The following NCOR1 variants were observed in gnomAD, a reference collection of about 807,000 sequenced individuals.
The protein encoded by NCOR1 is protein phosphatase 1, regulatory subunit 109.
Under a neutral mutation model 288.1 loss-of-function variants are expected in NCOR1, and 63 were observed. The ratio of observed to expected loss-of-function variants is 0.22; its 90% CI spans 0.18 to 0.27. The LOEUF is 0.27. Among genes scored for constraint, NCOR1 ranks in the 10% least tolerant of loss-of-function variants. The probability of loss-of-function intolerance (pLI) is 1.00; values close to 1 mark genes in which losing one functional copy is unlikely to be tolerated. For missense variants in NCOR1, 2,397 were observed against 3,019.2 expected (o/e 0.79, Z 4.83); for synonymous variants, 1,007 against 1,065.9 (o/e 0.94, Z 1.08).
Position 16,121,165 on chromosome 17 carries a change from C to A in NCOR1, c.1739G>T (p.Arg580Leu). 2.5e-6 allele frequency: 4 copies of A among 1,614,112 alleles called. No individual in the cohort carries two copies. The highest frequency in any genetic ancestry group is 3.4e-6 in the Non-Finnish European group (4 of 1,180,028). Residue 580 changes from arginine to leucine, a missense_variant, in exon 16 of 46, where the codon CGC becomes CTC. Around this residue, in one of 11 missense-constraint regions of NCOR1, gnomAD observed 113 missense variants for 139.5 expected, o/e 0.81. Coordinates refer to ENST00000268712, the MANE Select transcript of NCOR1 (RefSeq NM_006311.4). ...RGRKTANSQGRRKGRITRSMT... is the reference protein window; with the variant it reads ...RGRKTANSQGLRKGRITRSMT... ...GGACCTGGTGATCCGGCCCTTACGG[C>A]GGCCCTGACTGTTGGCAGTCTTTCG...
chr17:16,127,168 CATGT>C (rs1414949012), intron 14 of NCOR1, among the ~76,000 whole-genome samples: 2 of 126,308 alleles, frequency 1.6e-5, no homozygotes, highest in East Asian at 2.3e-4. Flanking sequence ...TGTATATATA[CATGT>C]ATGTATATAT....
chr17:16,192,686 T>C (rs771470328), intron 2 of NCOR1, among the ~76,000 whole-genome samples: 8 of 151,778 alleles, frequency 5.3e-5, no homozygotes, highest in Non-Finnish European at 1.2e-4. Context: ...TTGATAAAAA[T>C]AAAAAATGTA....
chr17:16,109,353 G>A (rs1223723832), intron 18 of NCOR1, among the ~76,000 whole-genome samples: 1 of 151,726 alleles, frequency 6.6e-6, no homozygotes, highest in Non-Finnish European at 1.5e-5. Flanking sequence ...AAATATACCG[G>A]TACATTTCCT....
In NCOR1 at chr17:16,196,824, C is replaced by CA. The variant is rs35922115; in HGVS notation, c.-70-2186dup. Among the ~76,000 whole-genome samples the CA allele has an allele frequency of 4.4e-3, 398 of 91,002 alleles. 1 individual carries two copies. Among genetic ancestry groups the CA allele is most frequent in the African/African-American group, 0.012 (274 of 23,174 alleles). 59.7% of individuals were successfully genotyped at this position (91,002 alleles called of 152,430 possible). A position where few individuals can be genotyped will look rare whatever the true frequency, so the allele number is the denominator to read the frequency against. Reference sequence around the variant, plus strand: ...TGGGCAACAGAGCAAGACTCTGTCTCAAAAAAAAAAAAAAAAGAAAAGAAA... The same window carrying CA: ...TGGGCAACAGAGCAAGACTCTGTCTCAAAAAAAAAAAAAAAAAGAAAAGAAA... On this transcript the variant is annotated intron_variant, in intron 1 of 45. Coordinates refer to ENST00000268712, the MANE Select transcript of NCOR1 (RefSeq NM_006311.4).
rs763285607 is a variant in NCOR1, at chr17:16,101,240, C to T, written c.2690+10G>A. 10 of 1,565,348 alleles carry T rather than the reference C, an allele frequency of 6.4e-6. No individual in the cohort carries two copies. Among genetic ancestry groups the T allele is most frequent in the South Asian group, 4.9e-5 (4 of 81,694 alleles). ...GTAAGCACGGGGAGGACTTATGGAA[C>T]GAGCCTCACCTCTGCCTCTCTGGCT... On this transcript the variant is annotated intron_variant, in intron 20 of 45. Coordinates refer to ENST00000268712, the MANE Select transcript of NCOR1 (RefSeq NM_006311.4).
chr17:16,056,671 T>C (rs961554179), intron 40 of NCOR1, among the ~76,000 whole-genome samples: 1 of 152,120 alleles, frequency 6.6e-6, no homozygotes, highest in African/African-American at 2.4e-5. Flanking sequence ...AATTTAACAT[T>C]TGCTAATATT....
chr17:16,058,324 C>A, intron 38 of NCOR1, 147 bp downstream of exon 38: 1 of 1,051,992 alleles, frequency 9.5e-7, no homozygotes, highest in Non-Finnish European at 1.3e-6. Flanking sequence ...AAAAAAGAAT[C>A]GATTGCTGTT....
At chr17:16,190,082 T>C (rs2087798987) in intron 2 of NCOR1, among the ~76,000 whole-genome samples, 2 of 152,028 alleles carry the variant, frequency 1.3e-5, no homozygotes, top group Admixed American at 1.3e-4. Context: ...ATGTAAAAAT[T>C]AGCTGGGCAT....
chr17:16,092,691 ATATATTTTTT>A (rs1462049768), intron 21 of NCOR1, among the ~76,000 whole-genome samples: 20 of 10,824 alleles, frequency 1.8e-3, no homozygotes, highest in African/African-American at 2.5e-3. Flanking sequence ...ATATATATAT[ATATATTTTTT>A]TTTTTTTTTT....
chr17:16,147,142 G>A (rs2031599278), intron 9 of NCOR1, among the ~76,000 whole-genome samples: 1 of 152,220 alleles, frequency 6.6e-6, no homozygotes, highest in African/African-American at 2.4e-5. Flanking sequence ...TGGGCGCAGT[G>A]ACTCACACTT....
At chr17:16,061,291 T>A in intron 37 of NCOR1, 110 bp downstream of exon 37, 1 of 1,335,506 alleles carries the variant, frequency 7.5e-7, no homozygotes, top group African/African-American at 1.5e-5. Flanking sequence ...GCATTACATT[T>A]ACTATCAACC....
intron 36 of NCOR1, 49 bp from the exon 37 acceptor site, chr17:16,061,943 G>C: frequency 6.4e-7 from 1 of 1,568,976 alleles, no homozygotes. Flanking sequence ...ACCATTTGCT[G>C]GGAATGTGGT....
At position 16,080,033 on chromosome 17, in the gene NCOR1, T is replaced by A; in HGVS notation, c.3432A>T (p.Ile1144=). 1.2e-6 allele frequency: 2 copies of A among 1,614,098 alleles called. No individual in the cohort carries two copies. Among genetic ancestry groups the A allele is most frequent in the Non-Finnish European group, 1.7e-6 (2 of 1,180,004 alleles). ...TTTTGCTGGTTGGAGTTCCCCGAGT[T>A]ATACTTCCTTCTTGTATGGCTCCTG... ...GTAGAIQEGS[I]TRGTPTSKIS... is the part of the protein sequence containing the mutation. The change falls in exon 26 of 46, where the codon ATA becomes ATT. Residue 1144 remains isoleucine (I), a synonymous_variant. Coordinates refer to ENST00000268712, the MANE Select transcript of NCOR1 (RefSeq NM_006311.4).
chr17:16,214,527 AC>A (rs2153633722), intron 1 of NCOR1, among the ~76,000 whole-genome samples: 1 of 152,320 alleles, frequency 6.6e-6, no homozygotes, highest in South Asian at 2.1e-4. Context: ...GATTAGAATT[AC>A]CTATACTACT....
chr17:16,095,887 G>C (rs1223608563), intron 21 of NCOR1, among the ~76,000 whole-genome samples: 1 of 152,028 alleles, frequency 6.6e-6, no homozygotes, highest in East Asian at 1.9e-4. Flanking sequence ...AATAGAAAAG[G>C]GGGCAAGGTG....
In NCOR1 at chr17:16,053,448, C is replaced by G. The variant is rs183690304; in HGVS notation, c.6392+4066G>C. On this transcript the variant is annotated intron_variant, in intron 40 of 45. Transcript: ENST00000268712. ...AATGCAATTCGATTCACAACTGCCA[C>G]AAAAATAATAAAATACCTAGGAATA... 2.0e-3 allele frequency among the ~76,000 whole-genome samples: 305 copies of G among 151,988 alleles called. 1 individual carries two copies. Among genetic ancestry groups the G allele is most frequent in the African/African-American group, 7.1e-3 (292 of 41,418 alleles).
intron 5 of NCOR1, among the ~76,000 whole-genome samples, chr17:16,161,382 C>T (rs1218901990): frequency 5.9e-5 from 9 of 152,044 alleles, no homozygotes; most frequent in South Asian, 2.1e-4. Flanking sequence ...CTCTGCCTCC[C>T]GGGTTCAGGT....
chr17:16,113,702 G>C (rs1471667969), intron 18 of NCOR1, among the ~76,000 whole-genome samples: 1 of 152,116 alleles, frequency 6.6e-6, no homozygotes, highest in Non-Finnish European at 1.5e-5. Flanking sequence ...AGACCAGCCT[G>C]ACCAACATGG....
chr17:16,158,099 G>C (rs1008037590), intron 6 of NCOR1, among the ~76,000 whole-genome samples: 4 of 151,566 alleles, frequency 2.6e-5, no homozygotes, highest in Non-Finnish European at 4.4e-5. Context: ...TCAGCCTCTC[G>C]AGTAGCTGGG....
Sources: allele counts gnomAD v4.1 joint callset (sites outside exome capture counted in the v4.1 genomes callset), GRCh38; gene constraint gnomAD v4.1.1; regional missense constraint gnomAD v4.1.1; transcripts MANE v1.5; gene names NCBI Gene and HGNC (gene_info 2026-07-23, HGNC 2026-07-21).